Variants in GNL3L observed in about 807,000 individuals in gnomAD.
The protein encoded by GNL3L is guanine nucleotide-binding protein-like 3-like protein.
Under a neutral mutation model 42.9 loss-of-function variants are expected in GNL3L, and 4 were observed. The observed-to-expected ratio is 0.09, with a 90% CI of 0.05 to 0.21. The LOEUF (loss-of-function observed/expected upper bound fraction) is 0.21. GNL3L is among the 10% of genes least tolerant of loss of function. GNL3L has a pLI of 1.00. For synonymous variants in GNL3L, 159 were observed against 176.3 expected (o/e 0.90, Z 0.78); for missense variants, 412 against 481.7 (o/e 0.86, Z 1.36).
the GNL3L span, among the ~76,000 whole-genome samples, chrX:54,642,439 A>G: frequency 8.9e-6 from 1 of 111,906 alleles, no homozygotes. Flanking sequence ...TTCAATGTAA[A>G]GGAATGTAGC....
chrX:54,538,572 G>T (rs778050430), intron 2 of GNL3L, among the ~76,000 whole-genome samples: 1 of 111,671 alleles, frequency 9.0e-6, no homozygotes, highest in Non-Finnish European at 1.9e-5. Flanking sequence ...GGCTGAGTAG[G>T]TCAAGTCCCT....
chrX:54,614,754 G>A (rs781231236), intron 16 of GNL3L, among the ~76,000 whole-genome samples: 5 of 111,493 alleles, frequency 4.5e-5, no homozygotes, highest in South Asian at 7.6e-4. Context: ...CTGTTCGGGC[G>A]CTCACAGTAT....
chrX:54,536,420 C>T (rs1260415014), intron 2 of GNL3L, among the ~76,000 whole-genome samples: 1 of 111,122 alleles, frequency 9.0e-6, no homozygotes, highest in African/African-American at 3.3e-5. Flanking sequence ...TCCTGCCCAC[C>T]ACTGTTTGTT....
At position 54,556,306 on chromosome X, in the gene GNL3L, CGAAT is replaced by C. The variant is rs779909317; in HGVS notation, c.1446+1618_1446+1621del. The stretch of plus-strand genomic sequence containing the variant: ...CCTTCTTCACAAGGTGGCAGGAAGA[CGAAT>C]GAACACAGGAGGAACTACCAAACAC... On this transcript the variant is annotated intron_variant, in intron 14 of 15. Coordinates refer to ENST00000360845, the MANE Select transcript of GNL3L (RefSeq NM_001184819.2). 4.5e-3 allele frequency among the ~76,000 whole-genome samples: 499 copies of C among 110,818 alleles called. 3 individuals carry two copies. The highest frequency in any genetic ancestry group is 0.015 in the African/African-American group (470 of 30,424).
chrX:54,626,671 G>A, the GNL3L span, among the ~76,000 whole-genome samples: 1 of 110,988 alleles, frequency 9.0e-6, no homozygotes, highest in Admixed American at 9.6e-5. Flanking sequence ...CCATGTCCTC[G>A]CCAACATTTG....
intron 15 of GNL3L, 142 bp from the exon 16 acceptor site, chrX:54,560,378 C>T: frequency 2.2e-6 from 1 of 456,126 alleles, no homozygotes; most frequent in South Asian, 3.4e-5. Context: ...TTCCAGCACT[C>T]ACCAGTTTTG....
intron 16 of GNL3L, among the ~76,000 whole-genome samples, chrX:54,591,419 C>G (rs952300784): frequency 1.8e-5 from 2 of 108,844 alleles, no homozygotes; most frequent in African/African-American, 6.7e-5. Flanking sequence ...ATGACAAAAC[C>G]CCATCTCTAC....
intron 8 of GNL3L, among the ~76,000 whole-genome samples, chrX:54,544,922 A>G (rs751836222): frequency 4.1e-4 from 45 of 110,544 alleles, no homozygotes; most frequent in Non-Finnish European, 3.4e-4. Context: ...TTGTTTGTTT[A>G]TTTATTTATT....
chrX:54,628,016 CT>C, the GNL3L span, among the ~76,000 whole-genome samples: 55 of 110,546 alleles, frequency 5.0e-4, no homozygotes, highest in East Asian at 2.8e-4. Flanking sequence ...TCCCTTCCCC[CT>C]AAGTCCCCAA....
At chrX:54,584,525 ATGTGGTCCATGT>A (rs1383564273) in intron 16 of GNL3L, among the ~76,000 whole-genome samples, 1 of 111,894 alleles carries the variant, frequency 8.9e-6, no homozygotes, top group Non-Finnish European at 1.9e-5. Context: ...GCCATCATAT[ATGTGGTCCATGT>A]TGACTGAAAT....
At chrX:54,540,296 C>T (rs926634631) in intron 4 of GNL3L, 54 bp downstream of exon 4, 66 of 776,766 alleles carry the variant, frequency 8.5e-5, no homozygotes, top group African/African-American at 7.4e-4. Context: ...ATGCCAGGTC[C>T]GCAGAAGTGT....
intron 16 of GNL3L, among the ~76,000 whole-genome samples, chrX:54,603,557 C>T (rs1199556270): frequency 9.0e-6 from 1 of 111,510 alleles, no homozygotes; most frequent in Non-Finnish European, 1.9e-5. Flanking sequence ...TCAAACTTAA[C>T]GTTAGCAGCA....
rs1339220934 is a variant in GNL3L at position 54,550,972 on chromosome X, A to G, written c.785A>G (p.Asn262Ser). ...TGCTGCTATTTTGTAGGTCTTCCCA[A>G]TGTTGGGAAGAGCAGCCTGATCAAT... ...HIRVGVVGLPNVGKSSLINSL... is the reference protein window; with the variant it reads ...HIRVGVVGLPSVGKSSLINSL... The change falls in exon 10 of 16, where the codon AAT becomes AGT. Residue 262 changes from asparagine (N) to serine (S), a missense_variant. Transcript: ENST00000360845. 3 of 1,115,197 alleles carry G rather than the reference A, an allele frequency of 2.7e-6. No individual in the cohort carries two copies. Among genetic ancestry groups the G allele is most frequent in the East Asian group, 3.0e-5 (1 of 33,292 alleles). The allele number at this position is 1,115,197 out of a possible 1,213,427, so 91.9% of individuals were successfully genotyped here.
intron 16 of GNL3L, among the ~76,000 whole-genome samples, chrX:54,577,474 CATT>C (rs1273441303): frequency 2.2e-4 from 24 of 111,221 alleles, no homozygotes; most frequent in African/African-American, 7.8e-4. Context: ...TTCAAATATA[CATT>C]ATTATTAACT....
At chrX:54,550,056 A>G (rs993183306) in intron 9 of GNL3L, among the ~76,000 whole-genome samples, 2 of 110,220 alleles carry the variant, frequency 1.8e-5, no homozygotes, top group Non-Finnish European at 3.8e-5. Flanking sequence ...GAAAAGAACA[A>G]TGGCCAGAAT....
chrX:54,577,720 C>T (rs1386978126), intron 16 of GNL3L, among the ~76,000 whole-genome samples: 1 of 111,040 alleles, frequency 9.0e-6, no homozygotes, highest in East Asian at 2.8e-4. Context: ...TCCAGGTTTA[C>T]CTATGTTGTC....
the GNL3L span, among the ~76,000 whole-genome samples, chrX:54,643,679 A>G: frequency 2.7e-5 from 3 of 111,258 alleles, no homozygotes; most frequent in Non-Finnish European, 5.7e-5. Context: ...ATTGTTAACT[A>G]TAGTCACCCT....
intron 3 of GNL3L, among the ~76,000 whole-genome samples, chrX:54,539,308 C>G (rs955743707): frequency 9.0e-6 from 1 of 111,346 alleles, no homozygotes; most frequent in Non-Finnish European, 1.9e-5. Context: ...GCTTGATTTA[C>G]CTTGGTAGGG....
downstream of GNL3L, among the ~76,000 whole-genome samples, chrX:54,623,268 GT>G (rs143857812): frequency 0.23 from 25,472 of 109,374 alleles, 5,475 homozygotes; most frequent in African/African-American, 0.69. Flanking sequence ...GTTGAAATAT[GT>G]TTTTTTTTCC....
Sources: gnomAD v4.1 joint callset for allele counts (sites outside exome capture counted in the v4.1 genomes callset) on GRCh38, gnomAD v4.1.1 for gene constraint, MANE v1.5 for transcripts, NCBI Gene and HGNC (gene_info 2026-07-23, HGNC 2026-07-21) for gene names.